KIRREL3: variants seen among roughly 807,000 people sequenced by gnomAD.
KIRREL3 encodes the protein kirre like nephrin family adhesion molecule 3.
KIRREL3 carries 36 observed loss-of-function variants against 89.7 expected under a neutral mutation model. That is an observed-to-expected ratio of 0.40 (90% confidence interval 0.31 to 0.53). The LOEUF (loss-of-function observed/expected upper bound fraction) is 0.53. KIRREL3 is among the 20% of genes least tolerant of loss of function. The pLI, the probability that KIRREL3 is intolerant of heterozygous loss-of-function variation, is 0.49. For synonymous variants in KIRREL3, 445 were observed against 441.4 expected, an observed-to-expected ratio of 1.01 and a Z score of -0.10; for missense variants, 864 against 1,056.6, an observed-to-expected ratio of 0.82 and a Z score of 2.53.
rs1305097599 is a variant in KIRREL3, at chr11:126,997,999, T to TG, written c.55+2455dup. ...CAGGTGGCTGTGTGAGGGTGCCGGG[T>TG]GGGGGGGTGTAACCTCAGGCCTCAT... On this transcript the variant is annotated intron_variant, in intron 1 of 16. Transcript: ENST00000525144. The surrounding 1 kb of genome is among the most constrained non-coding windows in gnomAD (Gnocchi z 4.3). Among the ~76,000 whole-genome samples, 5 of 151,418 alleles carry TG rather than the reference T, an allele frequency of 3.3e-5. No homozygotes were observed. In the East Asian group the frequency reaches 7.8e-4, roughly 24 times the overall value.
intron 1 of KIRREL3, among the ~76,000 whole-genome samples, chr11:126,818,621 AGTAGTGT>A (rs1033206801): frequency 3.2e-4 from 5 of 15,694 alleles, no homozygotes; most frequent in East Asian, 9.0e-3. Context: ...TAGTAGTAGT[AGTAGTGT>A]GTGTGTGTGT....
chr11:126,442,979 G>A (rs140015001), intron 10 of KIRREL3, among the ~76,000 whole-genome samples: 1,807 of 152,260 alleles, frequency 0.012, 15 homozygotes, highest in Non-Finnish European at 0.019. Flanking sequence ...GCCAGGGCCC[G>A]GGTTTCAGTG....
rs1283816135 is a variant in KIRREL3, at chr11:126,521,255, T to G, written c.433+60A>C. The G allele has an allele frequency of 6.9e-7, 1 of 1,454,016 alleles. No homozygotes were observed. The highest frequency in any genetic ancestry group is 9.1e-7 in the Non-Finnish European group (1 of 1,094,508). The allele number at this position is 1,454,016 out of a possible 1,614,324, so 90.1% of individuals were successfully genotyped here. On this transcript the variant is annotated intron_variant, in intron 4 of 16. Transcript: ENST00000525144. This position sits in a 1 kb window ranked among gnomAD's most constrained non-coding sequence, Gnocchi z 4.1. ...ATGTCTGACCAAAAAAATACCCTCT[T>G]GGAGCTGAGCCCTTGGTGCTTCACG... is the stretch of plus-strand genomic sequence containing the variant.
Position 126,723,150 on chromosome 11 carries a change from C to T in KIRREL3, c.56-160238G>A, listed in dbSNP as rs186945462. 9.9e-5 allele frequency among the ~76,000 whole-genome samples: 15 copies of T among 152,262 alleles called. No homozygotes were observed. Among genetic ancestry groups the T allele is most frequent in the Admixed American group, 7.8e-4 (12 of 15,298 alleles). ...GTAGGGACTGTGGTTTGTTCGTCTCCGTCCCAGGCATCTATCTCAGAGCCT... is the reference window on the plus strand; with the variant it reads ...GTAGGGACTGTGGTTTGTTCGTCTCTGTCCCAGGCATCTATCTCAGAGCCT... On this transcript the variant is annotated intron_variant, in intron 1 of 16. Transcript: ENST00000525144. This position sits in a 1 kb window ranked among gnomAD's most constrained non-coding sequence, Gnocchi z 4.0.
chr11:126,877,563 A>G lies in KIRREL3; in HGVS notation c.55+122892T>C, dbSNP rs1304622444. On this transcript the variant is annotated intron_variant, in intron 1 of 16. Transcript: ENST00000525144. This position sits in a 1 kb window ranked among gnomAD's most constrained non-coding sequence, Gnocchi z 4.9. ...TCCAAAAATGAAATTCATTATATTT[A>G]GAGCTAAAATAATTCCAGAATCAAT... Among the ~76,000 whole-genome samples the G allele has an allele frequency of 6.6e-6, 1 of 152,246 alleles. No individual in the cohort carries two copies. Among genetic ancestry groups the G allele is most frequent in the Non-Finnish European group, 1.5e-5 (1 of 68,040 alleles).
intron 1 of KIRREL3, among the ~76,000 whole-genome samples, chr11:126,810,186 CTTGGAAAGT>C (rs1951334721): frequency 6.6e-6 from 1 of 152,174 alleles, no homozygotes; most frequent in African/African-American, 2.4e-5. Context: ...CTTCTGTAAG[CTTGGAAAGT>C]TATCATTTGA....
intron 1 of KIRREL3, among the ~76,000 whole-genome samples, chr11:126,727,081 CAG>C (rs149458928): frequency 0.012 from 1,780 of 152,314 alleles, 38 homozygotes; most frequent in African/African-American, 0.04. Context: ...TTCTGAAAGG[CAG>C]AGACTTAGCT....
At chr11:126,857,315 G>A (rs552520107) in intron 1 of KIRREL3, among the ~76,000 whole-genome samples, 5 of 152,372 alleles carry the variant, frequency 3.3e-5, no homozygotes, top group African/African-American at 9.6e-5. Flanking sequence ...CAGCCCAGGT[G>A]CTTCACCCTC....
rs894155074 is a variant in KIRREL3, at chr11:126,666,324, A to G, written c.56-103412T>C. Among the ~76,000 whole-genome samples, 16 of 152,096 alleles carry G rather than the reference A, an allele frequency of 1.1e-4. No individual in the cohort carries two copies. Among genetic ancestry groups the G allele is most frequent in the African/African-American group, 3.4e-4 (14 of 41,410 alleles). On this transcript the variant is annotated intron_variant, in intron 1 of 16. Transcript: ENST00000525144. This position sits in a 1 kb window ranked among gnomAD's most constrained non-coding sequence, Gnocchi z 4.2. ...GGCACCCGTTCCTCTTTCTGCAGGG[A>G]TAAGAGTGAGCATGGAAGTACTTAA...
rs1946741161 is a variant in KIRREL3 at position 126,909,823 on chromosome 11, C to A, written c.55+90632G>T. Among the ~76,000 whole-genome samples, 1 of 152,078 alleles carries A rather than the reference C, an allele frequency of 6.6e-6. No homozygotes were observed. Among genetic ancestry groups the A allele is most frequent in the Non-Finnish European group, 1.5e-5 (1 of 68,026 alleles). On this transcript the variant is annotated intron_variant, in intron 1 of 16. Transcript: ENST00000525144. The surrounding 1 kb of genome is among the most constrained non-coding windows in gnomAD (Gnocchi z 4.5). ...AAACTTGGTTAAAATATGGATTAATCCCTGGGAGGGTGTTATGCAAGATTC... is the reference window on the plus strand; with the variant it reads ...AAACTTGGTTAAAATATGGATTAATACCTGGGAGGGTGTTATGCAAGATTC...
At chr11:126,936,113 T>C (rs993686962) in intron 1 of KIRREL3, 1 of 152,152 alleles carries the variant, frequency 6.6e-6, no homozygotes. Flanking sequence ...AAAGAAGATA[T>C]ACAAATAGCT....
At chr11:126,672,902 TA>T (rs1946021993) in intron 1 of KIRREL3, among the ~76,000 whole-genome samples, 2 of 152,252 alleles carry the variant, frequency 1.3e-5, no homozygotes, top group Non-Finnish European at 2.9e-5. Flanking sequence ...TGCTTTGCGT[TA>T]ACCTTAAGTT....
In KIRREL3 at chr11:126,983,256, C is replaced by A. The variant is rs887116989; in HGVS notation, c.55+17199G>T. Among the ~76,000 whole-genome samples, 2 of 152,126 alleles carry A rather than the reference C, an allele frequency of 1.3e-5. No homozygotes were observed. The highest frequency in any genetic ancestry group is 4.8e-5 in the African/African-American group (2 of 41,428). On this transcript the variant is annotated intron_variant, in intron 1 of 16. Coordinates refer to ENST00000525144, the MANE Select transcript of KIRREL3 (RefSeq NM_032531.4). The surrounding 1 kb of genome is among the most constrained non-coding windows in gnomAD (Gnocchi z 4.9). ...CCAATAGATACACACGGGGGAAGGT[C>A]ATTTTCTCTAACTTACAAGTAGTGA...
chr11:126,997,554 G>A lies in KIRREL3; in HGVS notation c.55+2901C>T, dbSNP rs1029486194. On this transcript the variant is annotated intron_variant, in intron 1 of 16. Transcript: ENST00000525144. The surrounding 1 kb of genome is among the most constrained non-coding windows in gnomAD (Gnocchi z 4.3). ...GAAAAGCCCAAACTTTCAAAGAATA[G>A]GGACCCACCATATTACTGATATTAA... is the stretch of plus-strand genomic sequence containing the variant. 7.9e-5 allele frequency among the ~76,000 whole-genome samples: 12 copies of A among 152,214 alleles called. No individual in the cohort carries two copies. Among genetic ancestry groups the A allele is most frequent in the African/African-American group, 2.6e-4 (11 of 41,546 alleles).
chr11:126,479,591 C>T lies in KIRREL3; in HGVS notation c.434-6125G>A, dbSNP rs146208386. Among the ~76,000 whole-genome samples, 16 of 152,302 alleles carry T rather than the reference C, an allele frequency of 1.1e-4. No homozygotes were observed. The East Asian group carries it at 2.5e-3, about 24-fold the overall frequency. On this transcript the variant is annotated intron_variant, in intron 4 of 16. Coordinates refer to ENST00000525144, the MANE Select transcript of KIRREL3 (RefSeq NM_032531.4). ...CACATACATTTTCAAGCTGGAGGAG[C>T]GCTGCTCTAAGGGTTCCGAGGTAGA... is the stretch of plus-strand genomic sequence containing the variant.
chr11:126,917,221 G>A lies in KIRREL3; in HGVS notation c.55+83234C>T, dbSNP rs1424866794. 2.0e-5 allele frequency among the ~76,000 whole-genome samples: 3 copies of A among 152,110 alleles called. No individual in the cohort carries two copies. The highest frequency in any genetic ancestry group is 1.3e-4 in the Admixed American group (2 of 15,264). ...AGACACAGAAGGATATATATTGTAC[G>A]ATTCCACTTATATGAAGTATTCAGA... On this transcript the variant is annotated intron_variant, in intron 1 of 16. Coordinates refer to ENST00000525144, the MANE Select transcript of KIRREL3 (RefSeq NM_032531.4). The surrounding 1 kb of genome is among the most constrained non-coding windows in gnomAD (Gnocchi z 5.0).
intron 4 of KIRREL3, among the ~76,000 whole-genome samples, chr11:126,497,478 G>C (rs1252564480): frequency 2.0e-5 from 3 of 152,212 alleles, no homozygotes; most frequent in African/African-American, 7.2e-5. Context: ...GTCTCCCAGT[G>C]CACCAGCCTA....
At chr11:126,775,689 A>G (rs549796601) in intron 1 of KIRREL3, among the ~76,000 whole-genome samples, 3 of 152,334 alleles carry the variant, frequency 2.0e-5, no homozygotes, top group South Asian at 4.1e-4. Flanking sequence ...GATGTACCAC[A>G]TACTGGGAAT....
At position 126,834,173 on chromosome 11, in the gene KIRREL3, C is replaced by G. The variant is rs540579638; in HGVS notation, c.55+166282G>C. Among the ~76,000 whole-genome samples, 13 of 152,266 alleles carry G rather than the reference C, an allele frequency of 8.5e-5. No individual in the cohort carries two copies. The East Asian group carries it at 1.9e-3, about 23-fold the overall frequency. On this transcript the variant is annotated intron_variant, in intron 1 of 16. Coordinates refer to ENST00000525144, the MANE Select transcript of KIRREL3 (RefSeq NM_032531.4). Reference sequence around the variant, plus strand: ...TGCAGTTTGAGGTTCGCCTCTAGTTCCTGGAGGCACTTTTTAGTGCTTTCT... The same window carrying G: ...TGCAGTTTGAGGTTCGCCTCTAGTTGCTGGAGGCACTTTTTAGTGCTTTCT...
Sources: allele counts gnomAD v4.1 joint callset (sites outside exome capture counted in the v4.1 genomes callset), GRCh38; gene constraint gnomAD v4.1.1; non-coding constraint Gnocchi (gnomAD v3.1); transcripts MANE v1.5; gene names NCBI Gene and HGNC (gene_info 2026-07-23, HGNC 2026-07-21).